LMBRD2: variants seen among roughly 807,000 people sequenced by gnomAD.
The protein encoded by LMBRD2 is LMBR1 domain containing 2, also known as G protein-coupled receptor-associated protein LMBRD2.
LMBRD2 carries 55 observed loss-of-function variants against 94.4 expected under a neutral mutation model. That is an observed-to-expected ratio of 0.58 (90% CI 0.47 to 0.73). The LOEUF (loss-of-function observed/expected upper bound fraction) is 0.73, where lower values mean the gene tolerates loss of function less well. LMBRD2 is among the 30% of genes least tolerant of loss of function. LMBRD2 has a pLI of 0.00. For missense variants in LMBRD2, 640 were observed against 831.9 expected, an observed-to-expected ratio of 0.77 and a Z score of 2.84; for synonymous variants, 246 against 272.4, an observed-to-expected ratio of 0.90 and a Z score of 0.95.
intron 6 of LMBRD2, among the ~76,000 whole-genome samples, chr5:36,128,320 C>CA (rs1744054712): frequency 6.6e-6 from 1 of 152,192 alleles, no homozygotes; most frequent in Non-Finnish European, 1.5e-5. Flanking sequence ...AATAAGCCCA[C>CA]ACTGCAAAGA....
In LMBRD2 at chr5:36,111,244, C is replaced by T. The variant is rs1362012786; in HGVS notation, c.1655G>A (p.Cys552Tyr). The change falls in exon 14 of 18, where the codon TGT becomes TAT. Residue 552 changes from cysteine to tyrosine, a missense_variant. Around this residue, in one of 2 missense-constraint regions of LMBRD2, gnomAD observed 183 missense variants for 189.1 expected, o/e 0.97. Transcript: ENST00000296603. ...IATYFSLGTR[C>Y]LNLLGFQQFM... ...CTGCTGGAAACCGAGCAGATTCAAACAACGGGTTCCCAAACTAATAAAAGC... is the reference window on the plus strand; with the variant it reads ...CTGCTGGAAACCGAGCAGATTCAAATAACGGGTTCCCAAACTAATAAAAGC... 3 of 1,610,442 alleles carry T rather than the reference C, an allele frequency of 1.9e-6. No individual in the cohort carries two copies. The highest frequency in any genetic ancestry group is 2.5e-6 in the Non-Finnish European group (3 of 1,177,518).
intron 6 of LMBRD2, among the ~76,000 whole-genome samples, chr5:36,132,197 C>T (rs889197344): frequency 2.0e-5 from 3 of 151,874 alleles, no homozygotes; most frequent in African/African-American, 7.3e-5. Flanking sequence ...CTAGAACATA[C>T]AATGAGGAAA....
At chr5:36,130,987 G>T (rs187570155) in intron 6 of LMBRD2, among the ~76,000 whole-genome samples, 1 of 152,018 alleles carries the variant, frequency 6.6e-6, no homozygotes, top group Non-Finnish European at 1.5e-5. Flanking sequence ...CTCAATCTAC[G>T]AGGCCAGTAT....
intron 4 of LMBRD2, 77 bp from the exon 5 acceptor site, chr5:36,137,518 A>T: frequency 1.1e-6 from 1 of 902,890 alleles, no homozygotes; most frequent in Non-Finnish European, 1.6e-6. Flanking sequence ...CCAGAAATAT[A>T]TGAATCTCAA....
chr5:36,108,660 A>T, intron 15 of LMBRD2, 21 bp from the exon 16 acceptor site: 3 of 1,178,426 alleles, frequency 2.5e-6, no homozygotes, highest in Non-Finnish European at 3.7e-6. Flanking sequence ...AGCACAAATA[A>T]TCATATAATA....
chr5:36,115,933 T>C (rs1191940373), intron 11 of LMBRD2, among the ~76,000 whole-genome samples: 2 of 152,214 alleles, frequency 1.3e-5, no homozygotes, highest in African/African-American at 4.8e-5. Flanking sequence ...TAAAAATACT[T>C]TGGATGTCAA....
chr5:36,111,108 T>C (rs1301631390), intron 14 of LMBRD2, 47 bp downstream of exon 14: 2 of 1,093,218 alleles, frequency 1.8e-6, no homozygotes, highest in Admixed American at 2.1e-5. Context: ...TTTTGAGTCT[T>C]AGCACTTAGT....
chr5:36,141,087 T>C lies in LMBRD2; in HGVS notation c.368+20A>G, dbSNP rs1579526865. The C allele has an allele frequency of 7.0e-7, 1 of 1,422,642 alleles. No homozygotes were observed. Among genetic ancestry groups the C allele is most frequent in the Non-Finnish European group, 9.7e-7 (1 of 1,025,976 alleles). 88.1% of individuals were successfully genotyped at this position (1,422,642 alleles called of 1,614,324 possible). On this transcript the variant is annotated intron_variant, in intron 4 of 17. Transcript: ENST00000296603. Reference sequence around the variant, plus strand: ...CCTTTAGCCAAAATTTTAAAAATTTTATCATTTACTGTAACTTACCATGTT... The same window carrying C: ...CCTTTAGCCAAAATTTTAAAAATTTCATCATTTACTGTAACTTACCATGTT...
intron 6 of LMBRD2, among the ~76,000 whole-genome samples, chr5:36,127,719 T>A (rs1259539257): frequency 6.6e-6 from 1 of 152,208 alleles, no homozygotes; most frequent in Non-Finnish European, 1.5e-5. Context: ...AAGGACTTTG[T>A]CTTGTGGCTT....
At chr5:36,143,448 G>T in intron 1 of LMBRD2, 42 bp from the exon 2 acceptor site, 2 of 791,392 alleles carry the variant, frequency 2.5e-6, no homozygotes, top group East Asian at 2.7e-5. Context: ...ATTAACACAG[G>T]AAATGACATT....
rs1336768532 is a variant in LMBRD2, at chr5:36,098,578, ATTTCATG to A, written c.*5461_*5467del. ...TTATTAACTTGTAGAAATGTAATTT[ATTTCATG>A]CAAAGCTACATTCTTTCCTATATTT... On this transcript the variant is annotated 3_prime_UTR_variant, in exon 18 of 18. Transcript: ENST00000296603. The A allele has an allele frequency of 4.6e-5, 7 of 152,116 alleles. No homozygotes were observed. The highest frequency in any genetic ancestry group is 1.7e-4 in the African/African-American group (7 of 41,466). 9.4% of individuals were successfully genotyped at this position (152,116 alleles called of 1,614,324 possible).
intron 8 of LMBRD2, 84 bp downstream of exon 8, chr5:36,122,764 T>TA (rs1743916963): frequency 6.8e-7 from 1 of 1,468,030 alleles, no homozygotes. Flanking sequence ...ACACATTCAC[T>TA]AAAAATTCCT....
At chr5:36,121,648 G>A (rs1348209485) in intron 9 of LMBRD2, among the ~76,000 whole-genome samples, 1 of 152,156 alleles carries the variant, frequency 6.6e-6, no homozygotes, top group Non-Finnish European at 1.5e-5. Flanking sequence ...AGCTTGTGAT[G>A]TAAAATTACT....
chr5:36,142,715 TC>T (rs1293201211), intron 2 of LMBRD2, 116 bp from the exon 3 acceptor site: 26 of 570,326 alleles, frequency 4.6e-5, no homozygotes, highest in East Asian at 1.5e-4. Context: ...TATGCTTTAT[TC>T]TTTTTTTTTT....
In LMBRD2 at chr5:36,142,477, ATATTT is replaced by A; in HGVS notation, c.272+20_272+24del. 1 of 1,321,766 alleles carries A rather than the reference ATATTT, an allele frequency of 7.6e-7. No homozygotes were observed. The highest frequency in any genetic ancestry group is 1.1e-6 in the Non-Finnish European group (1 of 916,546). 81.9% of individuals were successfully genotyped at this position (1,321,766 alleles called of 1,614,324 possible). A position where few individuals can be genotyped will look rare whatever the true frequency, so the allele number is the denominator to read the frequency against. The stretch of plus-strand genomic sequence containing the variant: ...ACAATGTGTCCCCTACAATGTTTAT[ATATTT>A]TTTTTAAAAAAGGAAATACCTTGGA... On this transcript the variant is annotated intron_variant, in intron 3 of 17. Transcript: ENST00000296603.
intron 4 of LMBRD2, among the ~76,000 whole-genome samples, chr5:36,138,198 A>G (rs539603652): frequency 1.0e-3 from 157 of 152,328 alleles, no homozygotes; most frequent in Non-Finnish European, 1.8e-3. Flanking sequence ...CAAGAGGTGA[A>G]GTAAATTAAG....
At chr5:36,118,551 TA>T (rs572500306) in intron 9 of LMBRD2, among the ~76,000 whole-genome samples, 6 of 151,328 alleles carry the variant, frequency 4.0e-5, no homozygotes, top group East Asian at 3.9e-4. Flanking sequence ...AAAATAGTAA[TA>T]AAAAAATACA....
intron 5 of LMBRD2, 70 bp from the exon 6 acceptor site, chr5:36,136,589 C>T: frequency 7.7e-7 from 1 of 1,305,968 alleles, no homozygotes; most frequent in Non-Finnish European, 1.1e-6. Flanking sequence ...CATAAATAGA[C>T]TTTAACACAG....
At position 36,111,198 on chromosome 5, in the gene LMBRD2, C is replaced by G; in HGVS notation, c.1701G>C (p.Met567Ile). ...TTCCTTCATTAACTAAGTCTGATGT[C>G]ATATCATCATCTCCCATAAACTGCT... is the stretch of plus-strand genomic sequence containing the variant. The part of the protein sequence containing the change: ...GFQQFMGDDD[M>I]TSDLVNEGKE... The change falls in exon 14 of 18, where the codon ATG becomes ATC. Residue 567 changes from methionine (M) to isoleucine (I), a missense_variant. Around this residue, in one of 2 missense-constraint regions of LMBRD2, gnomAD observed 183 missense variants for 189.1 expected, o/e 0.97. Transcript: ENST00000296603. 1 of 1,611,474 alleles carries G rather than the reference C, an allele frequency of 6.2e-7. No individual in the cohort carries two copies. The highest frequency in any genetic ancestry group is 1.3e-5 in the African/African-American group (1 of 74,906).
Sources: gnomAD v4.1 joint callset for allele counts (sites outside exome capture counted in the v4.1 genomes callset) on GRCh38, gnomAD v4.1.1 for gene constraint, gnomAD v4.1.1 regional missense constraint, MANE v1.5 for transcripts, NCBI Gene and HGNC (gene_info 2026-07-23, HGNC 2026-07-21) for gene names.